PSMA6: variants seen among roughly 807,000 people sequenced by gnomAD.
The protein encoded by PSMA6 is proteasome 20S subunit alpha 6, also known as proteasome subunit alpha type-6.
For missense variants in PSMA6, 170 were observed against 294.8 expected (o/e 0.58, Z 3.10); for synonymous variants, 88 against 97.7 (o/e 0.90, Z 0.59).
intron 6 of PSMA6, 110 bp from the exon 7 acceptor site, chr14:35,317,139 G>A (rs1014073483): frequency 5.3e-6 from 4 of 758,198 alleles, no homozygotes; most frequent in Admixed American, 2.0e-5. Context: ...ATTGATAATT[G>A]TTAAAGTAGG....
intron 1 of PSMA6, among the ~76,000 whole-genome samples, chr14:35,296,466 G>A (rs1366244467): frequency 6.6e-6 from 1 of 152,086 alleles, no homozygotes; most frequent in Admixed American, 6.6e-5. Context: ...GAGTAGCTGG[G>A]ATTACAGGCG....
intron 1 of PSMA6, among the ~76,000 whole-genome samples, chr14:35,281,078 T>G (rs1453981210): frequency 6.6e-6 from 1 of 152,142 alleles, no homozygotes; most frequent in Non-Finnish European, 1.5e-5. Context: ...CCAGGAAGCC[T>G]CTATTGACCT....
chr14:35,314,504 G>C (rs1479322896), intron 6 of PSMA6, 49 bp downstream of exon 6: 8 of 1,564,572 alleles, frequency 5.1e-6, no homozygotes, highest in African/African-American at 1.4e-5. Context: ...GGAGGCGTGT[G>C]AGTCCATGTG....
upstream of PSMA6, chr14:35,292,288 C>T (rs1426864342): frequency 7.1e-7 from 1 of 1,414,474 alleles, no homozygotes; most frequent in South Asian, 1.5e-5. Context: ...TCCACCACCC[C>T]CTTAGGGGGC....
At chr14:35,299,343 G>T (rs374313224) in intron 1 of PSMA6, among the ~76,000 whole-genome samples, 167 of 2,940 alleles carry the variant, frequency 0.057, no homozygotes, top group African/African-American at 0.12. Context: ...TTTTTTTTGA[G>T]ATGGAGTCTC....
intron 1 of PSMA6, among the ~76,000 whole-genome samples, chr14:35,280,746 T>G (rs2051358188): frequency 6.6e-6 from 1 of 151,940 alleles, no homozygotes; most frequent in Non-Finnish European, 1.5e-5. Flanking sequence ...CGAAATGGGG[T>G]CTCACTGTGT....
chr14:35,293,724 CAA>C (rs1422388735), intron 1 of PSMA6, among the ~76,000 whole-genome samples: 2 of 152,156 alleles, frequency 1.3e-5, no homozygotes, highest in Admixed American at 6.5e-5. Flanking sequence ...AAAGATAGAA[CAA>C]AGAGATAACT....
At chr14:35,304,100 G>A (rs1251840027) in intron 1 of PSMA6, among the ~76,000 whole-genome samples, 2 of 152,016 alleles carry the variant, frequency 1.3e-5, no homozygotes, top group Non-Finnish European at 2.9e-5. Context: ...AGCCTCCTGA[G>A]TAGCTGGGAT....
chr14:35,290,994 A>ATTT (rs201736184), upstream of PSMA6, among the ~76,000 whole-genome samples: 16 of 147,024 alleles, frequency 1.1e-4, no homozygotes, highest in African/African-American at 3.3e-4. Context: ...TCAGTTCCAC[A>ATTT]TTTTTTTTTT....
intron 1 of PSMA6, among the ~76,000 whole-genome samples, chr14:35,280,203 G>A (rs1399098819): frequency 2.6e-5 from 4 of 151,844 alleles, no homozygotes; most frequent in Non-Finnish European, 1.5e-5. Context: ...ACTTTGGGAG[G>A]CCGAGGCAGG....
At chr14:35,313,880 A>G (rs982686038) in intron 5 of PSMA6, 2 of 152,282 alleles carry the variant, frequency 1.3e-5, no homozygotes, top group African/African-American at 4.8e-5. Context: ...ACTCGCTTGA[A>G]TCCACGAGCC....
chr14:35,278,666 C>T (rs1224292169), exon 1 of PSMA6: 2 of 1,534,814 alleles, frequency 1.3e-6, no homozygotes, highest in East Asian at 2.4e-5. Context: ...GATGGAGCCT[C>T]CACCTCATGA....
upstream of PSMA6, among the ~76,000 whole-genome samples, chr14:35,288,625 G>A (rs1375331128): frequency 1.3e-5 from 2 of 152,198 alleles, no homozygotes; most frequent in African/African-American, 4.8e-5. Context: ...TTCCTTCCAG[G>A]AAGTATCCTT....
upstream of PSMA6, among the ~76,000 whole-genome samples, chr14:35,291,463 G>A (rs1328154109): frequency 1.3e-5 from 2 of 151,922 alleles, no homozygotes; most frequent in East Asian, 3.9e-4. Flanking sequence ...CTCGTGATCC[G>A]CCCGCCTTGG....
upstream of PSMA6, among the ~76,000 whole-genome samples, chr14:35,290,210 G>A (rs2051462824): frequency 6.6e-6 from 1 of 152,192 alleles, no homozygotes; most frequent in East Asian, 1.9e-4. Context: ...GGAGACATCA[G>A]TATAGAGCCA....
At chr14:35,307,885 G>A (rs2051860679) in intron 1 of PSMA6, 109 bp from the exon 2 acceptor site, 1 of 995,592 alleles carries the variant, frequency 1.0e-6, no homozygotes, top group South Asian at 1.5e-5. Context: ...TGCTATATGA[G>A]CATTCTGTGT....
intron 1 of PSMA6, among the ~76,000 whole-genome samples, chr14:35,301,747 T>C (rs1034183963): frequency 4.6e-5 from 7 of 152,156 alleles, no homozygotes; most frequent in African/African-American, 1.7e-4. Flanking sequence ...ATGTAAAATG[T>C]TTTTTATTTT....
At chr14:35,291,622 G>A (rs1220003997), upstream of PSMA6, among the ~76,000 whole-genome samples, 1 of 151,926 alleles carries the variant, frequency 6.6e-6, no homozygotes, top group Non-Finnish European at 1.5e-5. Flanking sequence ...TCAGGAGTTC[G>A]AGAGCTGCCT....
At chr14:35,311,495 T>A (rs1283993586) in intron 4 of PSMA6, among the ~76,000 whole-genome samples, 1 of 152,226 alleles carries the variant, frequency 6.6e-6, no homozygotes, top group Non-Finnish European at 1.5e-5. Flanking sequence ...CATCTGACCC[T>A]CTTGACTTCT....
Sources: allele counts gnomAD v4.1 joint callset (sites outside exome capture counted in the v4.1 genomes callset), GRCh38; gene constraint gnomAD v4.1.1; transcripts MANE v1.5; gene names NCBI Gene and HGNC (gene_info 2026-07-23, HGNC 2026-07-21).